The following PYGB variants were observed in gnomAD, a reference collection of about 807,000 sequenced individuals.
PYGB encodes glycogen phosphorylase, brain form.
Under a neutral mutation model 94.3 loss-of-function variants are expected in PYGB, and 82 were observed. The observed-to-expected ratio is 0.87, with a 90% CI of 0.73 to 1.04. The LOEUF is 1.04. PYGB is among the 50% of genes least tolerant of loss of function. The pLI is 0.00. For synonymous variants in PYGB, 488 were observed against 479.1 expected, an observed-to-expected ratio of 1.02 and a Z score of -0.24; for missense variants, 1,132 against 1,158.2, an observed-to-expected ratio of 0.98 and a Z score of 0.33.
intron 1 of PYGB, among the ~76,000 whole-genome samples, chr20:25,257,911 C>T (rs1247459668): frequency 6.6e-6 from 1 of 152,122 alleles, no homozygotes; most frequent in African/African-American, 2.4e-5. Context: ...ATATTAAGTT[C>T]GTTCAAATGT....
chr20:25,278,160 A>G (rs1403520283), intron 7 of PYGB, among the ~76,000 whole-genome samples, 159 bp from the exon 8 acceptor site: 1 of 152,158 alleles, frequency 6.6e-6, no homozygotes, highest in Non-Finnish European at 1.5e-5. Flanking sequence ...TACCTTCCTC[A>G]GTGACCTGAG....
At chr20:25,289,734 C>G (rs117820812) in intron 15 of PYGB, 1 of 454,840 alleles carries the variant, frequency 2.2e-6, no homozygotes, top group South Asian at 1.7e-5. Flanking sequence ...GTCACCCAGA[C>G]TAGCTGAAGC....
Position 25,290,600 on chromosome 20 carries a change from C to T in PYGB, c.1947C>T (p.Tyr649=), listed in dbSNP as rs1262738390. The T allele has an allele frequency of 1.2e-6, 2 of 1,604,974 alleles. No individual in the cohort carries two copies. Among genetic ancestry groups the T allele is most frequent in the Non-Finnish European group, 8.5e-7 (1 of 1,172,350 alleles). ...DRLKVIFLEN[Y]RVSLAEKVIP... is the part of the protein sequence containing the mutation. ...TGAAAGTGATCTTCCTGGAGAACTA[C>T]CGTGTGTCCTTGGCTGAGAAAGGTA... The change falls in exon 16 of 20, where the codon TAC becomes TAT. Residue 649 remains tyrosine, a synonymous_variant. Transcript: ENST00000216962.
At chr20:25,255,018 A>T (rs2092899243) in intron 1 of PYGB, among the ~76,000 whole-genome samples, 1 of 152,208 alleles carries the variant, frequency 6.6e-6, no homozygotes, top group Admixed American at 6.5e-5. Context: ...GAAATCCACG[A>T]TCCACGTTGA....
At chr20:25,284,319 G>A in intron 14 of PYGB, 68 bp downstream of exon 14, 1 of 1,566,310 alleles carries the variant, frequency 6.4e-7, no homozygotes, top group South Asian at 1.2e-5. Context: ...CGCCAGCTGT[G>A]CACAGACCCT....
rs574829972 is a variant in PYGB, at chr20:25,290,677, G to A, written c.1969+55G>A. On this transcript the variant is annotated intron_variant, in intron 16 of 19. Transcript: ENST00000216962. ...AACTCACTCCTGCCGGGGAACGGGCGTTGTACTGGCCCCGGGCCTTTCATC... is the reference window on the plus strand; with the variant it reads ...AACTCACTCCTGCCGGGGAACGGGCATTGTACTGGCCCCGGGCCTTTCATC... The A allele has an allele frequency of 4.6e-5, 73 of 1,581,244 alleles. 1 individual carries two copies. Among genetic ancestry groups the A allele is most frequent in the South Asian group, 2.4e-4 (22 of 90,072 alleles).
chr20:25,259,441 T>C (rs2092908951), intron 2 of PYGB, 103 bp downstream of exon 2: 1 of 856,696 alleles, frequency 1.2e-6, no homozygotes, highest in Admixed American at 2.6e-5. Flanking sequence ...GACTAGCAGC[T>C]ATCTGGGAAT....
In PYGB at chr20:25,296,402, G is replaced by A. The variant is rs776326730; in HGVS notation, c.2412G>A (p.Arg804=). The change falls in exon 20 of 20, where the codon AGG becomes AGA. Residue 804 remains arginine (R), a synonymous_variant. Transcript: ENST00000216962. ...AGGAGTGGACCAAGAAGGTCATCAG[G>A]AACATCGCCTGCTCGGGCAAGTTCT... ...NPKEWTKKVI[R]NIACSGKFSS... The A allele has an allele frequency of 2.7e-5, 44 of 1,613,914 alleles. 1 individual carries two copies. In the Admixed American group the frequency reaches 7.3e-4, roughly 27 times the overall value.
chr20:25,275,019 A>G (rs1035825328), intron 5 of PYGB, among the ~76,000 whole-genome samples: 4 of 152,226 alleles, frequency 2.6e-5, no homozygotes, highest in Admixed American at 1.3e-4. Context: ...ACTCACAGCC[A>G]GATGCTCACG....
rs1568697894 is a variant in PYGB, at chr20:25,288,887, T to C, written c.1827+404T>C. Among the ~76,000 whole-genome samples, 3 of 152,326 alleles carry C rather than the reference T, an allele frequency of 2.0e-5. No homozygotes were observed. In the South Asian group the frequency reaches 6.2e-4, roughly 32 times the overall value. Reference sequence around the variant, plus strand: ...CATACTTTCAGAGTCCTAGATGTGCTGTCATCGAGTCCCAGGTCACATCGT... The same window carrying C: ...CATACTTTCAGAGTCCTAGATGTGCCGTCATCGAGTCCCAGGTCACATCGT... On this transcript the variant is annotated intron_variant, in intron 15 of 19. Coordinates refer to ENST00000216962, the MANE Select transcript of PYGB (RefSeq NM_002862.4).
Position 25,296,356 on chromosome 20 carries a change from C to T in PYGB, c.2380-14C>T, listed in dbSNP as rs1568702665. 7 of 1,613,978 alleles carry T rather than the reference C, an allele frequency of 4.3e-6. No homozygotes were observed. The highest frequency in any genetic ancestry group is 3.3e-5 in the Admixed American group (2 of 60,036). ...CTGTGACGCCAGAGACTAATTTCAT[C>T]TCCTTCCCTGCAGAACCCCAAGGAG... is the stretch of plus-strand genomic sequence containing the variant. On this transcript the variant is annotated splice_polypyrimidine_tract_variant and intron_variant, in intron 19 of 19. Transcript: ENST00000216962.
At chr20:25,256,520 A>G (rs2092903123) in intron 1 of PYGB, among the ~76,000 whole-genome samples, 1 of 152,106 alleles carries the variant, frequency 6.6e-6, no homozygotes, top group Non-Finnish European at 1.5e-5. Context: ...AAAAACAAAA[A>G]CAAAAAACAG....
At position 25,259,636 on chromosome 20, in the gene PYGB, A is replaced by G. The variant is rs188782871; in HGVS notation, c.345+298A>G. ...CCCACCTCCGGGGCGGATTTAGAGC[A>G]CTGCACCAGTGGTTGGTATTATTCC... On this transcript the variant is annotated intron_variant, in intron 2 of 19. Coordinates refer to ENST00000216962, the MANE Select transcript of PYGB (RefSeq NM_002862.4). Among the ~76,000 whole-genome samples the G allele has an allele frequency of 2.7e-3, 407 of 152,288 alleles. 1 individual carries two copies. Among genetic ancestry groups the G allele is most frequent in the Non-Finnish European group, 4.3e-3 (291 of 68,016 alleles).
At chr20:25,280,244 G>T (rs766622335) in intron 9 of PYGB, 22 bp from the exon 10 acceptor site, 1 of 1,611,970 alleles carries the variant, frequency 6.2e-7, no homozygotes, top group Non-Finnish European at 8.5e-7. Flanking sequence ...CAAACACATG[G>T]GAACATTCTC....
At chr20:25,259,728 G>A (rs187498728) in intron 2 of PYGB, among the ~76,000 whole-genome samples, 137 of 152,178 alleles carry the variant, frequency 9.0e-4, no homozygotes, top group African/African-American at 3.1e-3. Context: ...GATGACCTCC[G>A]GAGCTCACCC....
chr20:25,293,823 A>C, intron 17 of PYGB: 1 of 352,574 alleles, frequency 2.8e-6, no homozygotes. Flanking sequence ...TCTGCCCAGG[A>C]TTTCACAGTG....
At chr20:25,248,477 G>C in intron 1 of PYGB, 56 bp downstream of exon 1, 1 of 1,300,256 alleles carries the variant, frequency 7.7e-7, no homozygotes, top group African/African-American at 1.5e-5. Context: ...GCCGGTCCCG[G>C]AGCCGCGCCA....
In PYGB at chr20:25,283,283, C is replaced by T. The variant is rs763407101; in HGVS notation, c.1620+6C>T. 16 of 1,611,162 alleles carry T rather than the reference C, an allele frequency of 9.9e-6. No homozygotes were observed. In the South Asian group the frequency reaches 1.3e-4, roughly 13 times the overall value. ...ACGTGGCCAAGGTCAAACAGGTAGG[C>T]ATGGCCCTGGCCCCAGCCCCGACCC... On this transcript the variant is annotated splice_donor_region_variant and intron_variant, in intron 13 of 19. Transcript: ENST00000216962.
intron 2 of PYGB, among the ~76,000 whole-genome samples, chr20:25,266,363 G>A (rs956391000): frequency 4.6e-5 from 7 of 151,684 alleles, no homozygotes; most frequent in East Asian, 3.9e-4. Context: ...AAATGAAATC[G>A]AACCCCTACC....
Sources: gnomAD v4.1 joint callset for allele counts (sites outside exome capture counted in the v4.1 genomes callset) on GRCh38, gnomAD v4.1.1 for gene constraint, MANE v1.5 for transcripts, NCBI Gene and HGNC (gene_info 2026-07-23, HGNC 2026-07-21) for gene names.